SIL1: variants seen among roughly 807,000 people sequenced by gnomAD.
SIL1 encodes the protein nucleotide exchange factor SIL1.
Under a neutral mutation model 49.1 loss-of-function variants are expected in SIL1, and 40 were observed. The observed-to-expected ratio is 0.81, with a 90% CI of 0.63 to 1.06. The LOEUF (loss-of-function observed/expected upper bound fraction) is 1.06. SIL1 is among the 50% of genes least tolerant of loss of function. The probability of loss-of-function intolerance (pLI) is 0.00; values close to 1 mark genes in which losing one functional copy is unlikely to be tolerated. For synonymous variants in SIL1, 253 were observed against 250.8 expected (o/e 1.01, Z -0.08); for missense variants, 500 against 572.6 (o/e 0.87, Z 1.29).
At chr5:139,096,152 T>C (rs994043371) in intron 3 of SIL1, among the ~76,000 whole-genome samples, 1 of 152,134 alleles carries the variant, frequency 6.6e-6, no homozygotes. Context: ...ACAGCAACTG[T>C]GAGGCACTGA....
intron 3 of SIL1, among the ~76,000 whole-genome samples, chr5:139,072,614 G>A (rs1488945087): frequency 6.6e-6 from 1 of 152,168 alleles, no homozygotes; most frequent in Non-Finnish European, 1.5e-5. Context: ...ACTACTGGAA[G>A]AAAATACAGT....
chr5:139,191,727 G>A (rs968690182), intron 1 of SIL1, among the ~76,000 whole-genome samples: 1 of 152,114 alleles, frequency 6.6e-6, no homozygotes, highest in African/African-American at 2.4e-5. Flanking sequence ...GGAGTTGGAG[G>A]TTGCAATGAG....
intron 4 of SIL1, among the ~76,000 whole-genome samples, chr5:139,045,315 T>C (rs1174026167): frequency 2.6e-5 from 4 of 152,110 alleles, no homozygotes; most frequent in Admixed American, 2.0e-4. Flanking sequence ...GCCACTGCAC[T>C]CCAGTCTGGG....
At chr5:139,065,028 T>A (rs1003563566) in intron 3 of SIL1, among the ~76,000 whole-genome samples, 4 of 152,242 alleles carry the variant, frequency 2.6e-5, no homozygotes, top group African/African-American at 4.8e-5. Context: ...CATGCCATGA[T>A]AGATGCTCAA....
chr5:139,192,074 CAAAAAAA>C (rs10700186), intron 1 of SIL1, among the ~76,000 whole-genome samples: 13 of 67,218 alleles, frequency 1.9e-4, no homozygotes, highest in African/African-American at 5.1e-4. Flanking sequence ...GATGCTGTCT[CAAAAAAA>C]AAAAAAAAAA....
intron 3 of SIL1, among the ~76,000 whole-genome samples, chr5:139,089,941 A>G (rs1770306481): frequency 6.6e-6 from 1 of 152,254 alleles, no homozygotes; most frequent in African/African-American, 2.4e-5. Flanking sequence ...CTTTAAAATG[A>G]TTAATTTTAT....
intron 1 of SIL1, among the ~76,000 whole-genome samples, chr5:139,131,356 T>C (rs906192225): frequency 1.3e-5 from 2 of 152,090 alleles, no homozygotes; most frequent in African/African-American, 4.8e-5. Flanking sequence ...TGTGGCATGA[T>C]TGCAGTGGGA....
At chr5:139,018,618 A>T (rs1047117810) in intron 7 of SIL1, among the ~76,000 whole-genome samples, 8 of 150,614 alleles carry the variant, frequency 5.3e-5, no homozygotes, top group Admixed American at 4.6e-4. Context: ...AAAGGGTAGC[A>T]CCAAGAGATA....
chr5:138,985,848 G>A (rs34744912), intron 7 of SIL1, among the ~76,000 whole-genome samples: 1 of 152,180 alleles, frequency 6.6e-6, no homozygotes, highest in African/African-American at 2.4e-5. Context: ...CGGGAACGTG[G>A]ACTTCCTCCC....
intron 7 of SIL1, among the ~76,000 whole-genome samples, chr5:139,018,680 T>C (rs1433645621): frequency 2.0e-5 from 3 of 148,894 alleles, no homozygotes; most frequent in Non-Finnish European, 4.5e-5. Flanking sequence ...AAGATAAAGG[T>C]TTTTATTGCA....
chr5:139,059,851 C>A (rs1376778760), intron 3 of SIL1, among the ~76,000 whole-genome samples: 5 of 152,134 alleles, frequency 3.3e-5, no homozygotes, highest in South Asian at 2.1e-4. Context: ...TTATTTATAA[C>A]TTCTTTCTCT....
intron 1 of SIL1, among the ~76,000 whole-genome samples, chr5:139,130,544 G>A (rs1353009619): frequency 6.6e-6 from 1 of 151,814 alleles, no homozygotes; most frequent in Non-Finnish European, 1.5e-5. Context: ...ATATAAAACA[G>A]TGCAGCCACT....
intron 1 of SIL1, among the ~76,000 whole-genome samples, chr5:139,144,884 TAAAAC>T (rs1751163645): frequency 6.6e-6 from 1 of 151,972 alleles, no homozygotes; most frequent in African/African-American, 2.4e-5. Flanking sequence ...AAAAAAAAGT[TAAAAC>T]TATACAGTTC....
rs117211485 is a variant in SIL1 at position 138,962,607 on chromosome 5, T to C, written c.768-10723A>G. 1.0e-3 allele frequency among the ~76,000 whole-genome samples: 157 copies of C among 152,364 alleles called. 1 individual carries two copies. The East Asian group carries it at 0.027, about 26-fold the overall frequency. ...GGATAACAGCTGTTTTATCATAATA[T>C]ACCATTTAACAAAAATTATTATTTT... On this transcript the variant is annotated intron_variant, in intron 7 of 9. Coordinates refer to ENST00000394817, the MANE Select transcript of SIL1 (RefSeq NM_022464.5).
chr5:138,986,912 C>G (rs1390399401), intron 7 of SIL1, among the ~76,000 whole-genome samples: 2 of 152,002 alleles, frequency 1.3e-5, no homozygotes, highest in Non-Finnish European at 2.9e-5. Context: ...GCCCCCAAAT[C>G]CTTGGAAAAG....
At chr5:139,045,267 G>A (rs533220183) in intron 4 of SIL1, among the ~76,000 whole-genome samples, 65 of 152,296 alleles carry the variant, frequency 4.3e-4, no homozygotes, top group African/African-American at 1.6e-3. Context: ...TGAGGTGGGA[G>A]GATTGCTTGA....
chr5:138,962,678 A>C (rs1398250709), intron 7 of SIL1, among the ~76,000 whole-genome samples: 1 of 152,226 alleles, frequency 6.6e-6, no homozygotes, highest in Non-Finnish European at 1.5e-5. Context: ...GGCTTCTCAG[A>C]AGGGAGAGGA....
intron 1 of SIL1, among the ~76,000 whole-genome samples, chr5:139,190,268 A>G (rs1488653002): frequency 6.6e-6 from 1 of 152,218 alleles, no homozygotes; most frequent in East Asian, 1.9e-4. Context: ...CATTCTTTAC[A>G]GAAACACACA....
In SIL1 at chr5:139,114,763, G is replaced by T. The variant is rs1770948420; in HGVS notation, c.244+6272C>A. 2.0e-5 allele frequency among the ~76,000 whole-genome samples: 3 copies of T among 152,334 alleles called. No individual in the cohort carries two copies. The South Asian group carries it at 6.2e-4, about 32-fold the overall frequency. On this transcript the variant is annotated intron_variant, in intron 3 of 9. Transcript: ENST00000394817. ...AATACTTCATCCTGAAAAGTTGCCA[G>T]AGATAGCAACTTATGTCCAAGAAGA...
Sources: allele counts gnomAD v4.1 joint callset (sites outside exome capture counted in the v4.1 genomes callset), GRCh38; gene constraint gnomAD v4.1.1; transcripts MANE v1.5; gene names NCBI Gene and HGNC (gene_info 2026-07-23, HGNC 2026-07-21).